Variants in CRACDL observed in about 807,000 individuals in gnomAD.
CRACDL encodes the protein CRACD-like protein.
CRACDL carries 26 observed loss-of-function variants against 70.6 expected under a neutral mutation model. That is an observed-to-expected ratio of 0.37 (90% CI 0.27 to 0.51). The LOEUF (loss-of-function observed/expected upper bound fraction) is 0.51. CRACDL is among the 20% of genes least tolerant of loss of function. CRACDL has a pLI of 0.94. For synonymous variants in CRACDL, 618 were observed against 615.2 expected (o/e 1.00, Z -0.07); for missense variants, 1,283 against 1,376.9 (o/e 0.93, Z 1.08).
intron 7 of CRACDL, among the ~76,000 whole-genome samples, chr2:98,819,815 C>CTTTTT (rs34640405): frequency 1.1e-3 from 105 of 99,012 alleles, no homozygotes; most frequent in Middle Eastern, 6.8e-3. Context: ...CTGAAACATT[C>CTTTTT]TTTTTTTTTT....
chr2:98,794,551 A>T lies in CRACDL; in HGVS notation c.2870T>A (p.Met957Lys). 6.2e-7 allele frequency: 1 copy of T among 1,614,090 alleles called. No individual in the cohort carries two copies. Among genetic ancestry groups the T allele is most frequent in the African/African-American group, 1.3e-5 (1 of 75,054 alleles). Residue 957 changes from methionine (M) to lysine (K), a missense_variant, in exon 10 of 10, where the codon ATG becomes AAG. Physicochemically the swap from Met to Lys is moderately conservative, Grantham distance 95. Coordinates refer to ENST00000397899, the MANE Select transcript of CRACDL (RefSeq NM_207362.3). The part of the protein sequence containing the change: ...ARKKSQAWSD[M>K]PQIIK ...GCCCACCTATTTTATAATCTGGGGCATGTCACTCCAAGCTTGAGATTTCTT... is the reference window on the plus strand; with the variant it reads ...GCCCACCTATTTTATAATCTGGGGCTTGTCACTCCAAGCTTGAGATTTCTT...
chr2:98,846,269 C>T (rs1019678225), intron 2 of CRACDL, among the ~76,000 whole-genome samples: 1 of 152,144 alleles, frequency 6.6e-6, no homozygotes, highest in Non-Finnish European at 1.5e-5. Context: ...AGACAACATA[C>T]TAAAGATCTC....
intron 1 of CRACDL, among the ~76,000 whole-genome samples, chr2:98,852,736 GATCA>G: frequency 6.6e-6 from 1 of 152,022 alleles, no homozygotes; most frequent in Non-Finnish European, 1.5e-5. Context: ...CAAAAGAAAG[GATCA>G]ATCAAATTGA....
In CRACDL at chr2:98,823,124, C is replaced by T. The variant is rs1212268724; in HGVS notation, c.1149G>A (p.Pro383=). The change falls in exon 7 of 10, where the codon CCG becomes CCA. Residue 383 remains proline (P), a synonymous_variant. Coordinates refer to ENST00000397899, the MANE Select transcript of CRACDL (RefSeq NM_207362.3). This position sits in a 1 kb window ranked among gnomAD's most constrained non-coding sequence, Gnocchi z 4.0. ...CCACCTCCTCCGCCTTGTCCGTGGC[C>T]GGGGCACACGGGCCTGCGGGGGGCG... is the stretch of plus-strand genomic sequence containing the variant. ...GEAPPAGPCA[P]ATDKAEEVVC... is the part of the protein sequence containing the mutation. The T allele has an allele frequency of 1.3e-6, 2 of 1,570,700 alleles. No individual in the cohort carries two copies. The highest frequency in any genetic ancestry group is 2.5e-5 in the East Asian group (1 of 39,550).
chr2:98,922,464 AAAAAGAAAG>A (rs1156921861), intron 1 of CRACDL, among the ~76,000 whole-genome samples: 1 of 152,030 alleles, frequency 6.6e-6, no homozygotes, highest in African/African-American at 2.4e-5. Context: ...AAGAAAAAGA[AAAAAGAAAG>A]AAAAGAAATT....
chr2:98,795,077 A>ATATATATATTTTTTTT, intron 9 of CRACDL, among the ~76,000 whole-genome samples: 19 of 58,466 alleles, frequency 3.2e-4, no homozygotes, highest in South Asian at 9.8e-4. Flanking sequence ...ATATATATAT[A>ATATATATATTTTTTTT]TTTTTTTTTT....
chr2:98,867,455 C>T (rs546147686), intron 1 of CRACDL, among the ~76,000 whole-genome samples: 4 of 152,106 alleles, frequency 2.6e-5, no homozygotes, highest in African/African-American at 4.8e-5. Flanking sequence ...TTCATAACAG[C>T]GACCTGTTTA....
chr2:98,859,375 G>A (rs2104568280), intron 1 of CRACDL, among the ~76,000 whole-genome samples: 1 of 152,234 alleles, frequency 6.6e-6, no homozygotes, highest in East Asian at 1.9e-4. Context: ...TCACTTTAAT[G>A]GAGGTATAAA....
chr2:98,873,129 A>G (rs1707393645), intron 1 of CRACDL, among the ~76,000 whole-genome samples: 1 of 152,228 alleles, frequency 6.6e-6, no homozygotes, highest in South Asian at 2.1e-4. Context: ...ATTGAAGCAG[A>G]TCCTACGTGT....
chr2:98,889,340 A>AAAGAAAGG (rs1231775878), intron 1 of CRACDL, among the ~76,000 whole-genome samples: 146 of 128,166 alleles, frequency 1.1e-3, no homozygotes, highest in African/African-American at 2.3e-3. Flanking sequence ...AGAAAGAAAG[A>AAAGAAAGG]AAGGAAACAG....
At chr2:98,824,834 T>C (rs895902307) in intron 6 of CRACDL, among the ~76,000 whole-genome samples, 1 of 152,212 alleles carries the variant, frequency 6.6e-6, no homozygotes, top group African/African-American at 2.4e-5. Flanking sequence ...ATCCTATTCT[T>C]TTGGATTTAA....
At chr2:98,880,655 G>A (rs1707624478) in intron 1 of CRACDL, among the ~76,000 whole-genome samples, 1 of 152,162 alleles carries the variant, frequency 6.6e-6, no homozygotes, top group Admixed American at 6.5e-5. Context: ...CGCGAGGTCA[G>A]GTGGCCACAA....
chr2:98,797,671 T>C, intron 7 of CRACDL, 134 bp from the exon 8 acceptor site: 1 of 749,266 alleles, frequency 1.3e-6, no homozygotes, highest in East Asian at 2.6e-5. Flanking sequence ...TTACTTTCTT[T>C]AGGGGCTTTG....
chr2:98,889,427 CAA>C (rs1707904770), intron 1 of CRACDL, among the ~76,000 whole-genome samples: 1 of 151,850 alleles, frequency 6.6e-6, no homozygotes, highest in Non-Finnish European at 1.5e-5. Flanking sequence ...TTACTACAGA[CAA>C]AGTGGGAAAT....
intron 7 of CRACDL, among the ~76,000 whole-genome samples, chr2:98,798,443 C>CAAAA (rs70940125): frequency 0.024 from 1,047 of 44,264 alleles, 19 homozygotes; most frequent in East Asian, 0.042. Flanking sequence ...GACTCCGTCT[C>CAAAA]AAAAAAAAAA....
chr2:98,833,697 C>A lies in CRACDL; in HGVS notation c.240-700G>T, dbSNP rs1184059208. ...ACCCCCAGGACATTCACAAAATGTC[C>A]TAAAAGGATGTGGGAATTAGCTGTC... is the stretch of plus-strand genomic sequence containing the variant. On this transcript the variant is annotated intron_variant, in intron 3 of 9. Coordinates refer to ENST00000397899, the MANE Select transcript of CRACDL (RefSeq NM_207362.3). 2.0e-5 allele frequency among the ~76,000 whole-genome samples: 3 copies of A among 152,162 alleles called. No homozygotes were observed. The East Asian group carries it at 5.8e-4, about 29-fold the overall frequency.
intron 1 of CRACDL, among the ~76,000 whole-genome samples, chr2:98,874,212 G>A (rs1707422174): frequency 6.6e-6 from 1 of 152,164 alleles, no homozygotes. Context: ...ACTTTTATAA[G>A]TGGTACCTGC....
rs114191539 is a variant in CRACDL at position 98,810,169 on chromosome 2, G to A, written c.2416+11688C>T. On this transcript the variant is annotated intron_variant, in intron 7 of 9. Transcript: ENST00000397899. Reference sequence around the variant, plus strand: ...AAGAAAAACCCTGGAAGTTCTCAAGGGCTCAGGATCTAGTTCAGGGGTCGA... The same window carrying A: ...AAGAAAAACCCTGGAAGTTCTCAAGAGCTCAGGATCTAGTTCAGGGGTCGA... 5.0e-3 allele frequency among the ~76,000 whole-genome samples: 754 copies of A among 152,224 alleles called. 7 individuals are homozygous for A. The highest frequency in any genetic ancestry group is 0.017 in the African/African-American group (712 of 41,506).
intron 1 of CRACDL, among the ~76,000 whole-genome samples, chr2:98,916,443 T>G (rs1439452490): frequency 6.6e-6 from 1 of 152,194 alleles, no homozygotes; most frequent in Non-Finnish European, 1.5e-5. Flanking sequence ...TATATCAAGA[T>G]GTATGAAACT....
Sources: gnomAD v4.1 joint callset for allele counts (sites outside exome capture counted in the v4.1 genomes callset) on GRCh38, gnomAD v4.1.1 for gene constraint, Gnocchi (gnomAD v3.1) non-coding constraint, MANE v1.5 for transcripts, NCBI Gene and HGNC (gene_info 2026-07-23, HGNC 2026-07-21) for gene names.